CFAP54: variants seen among roughly 807,000 people sequenced by gnomAD.
CFAP54 encodes cilia and flagella associated protein 54.
In CFAP54, 290 loss-of-function variants were observed where a neutral mutation model predicts 370.4. The ratio of observed to expected loss-of-function variants is 0.78; its 90% CI spans 0.71 to 0.86. The LOEUF is 0.86. Ranked by LOEUF, CFAP54 falls within the 40% of genes least tolerant of loss-of-function variation. The pLI is 0.00. For synonymous variants in CFAP54, 1,206 were observed against 1,236.5 expected (o/e 0.98, Z 0.52); for missense variants, 3,399 against 3,528.7 (o/e 0.96, Z 0.93).
intron 36 of CFAP54, 40 bp downstream of exon 36, chr12:96,651,855 A>T (rs1173663865): frequency 7.7e-7 from 1 of 1,294,088 alleles, no homozygotes; most frequent in East Asian, 2.5e-5. Flanking sequence ...ATATTCAGTT[A>T]AAAATATCGT....
chr12:96,825,315 AAT>A (rs1565992509), intron 65 of CFAP54, among the ~76,000 whole-genome samples: 2 of 127,892 alleles, frequency 1.6e-5, no homozygotes, highest in East Asian at 4.5e-4. Context: ...TATATAATAT[AAT>A]ATATATTATA....
intron 39 of CFAP54, among the ~76,000 whole-genome samples, chr12:96,666,971 T>C (rs1957088187): frequency 6.6e-6 from 1 of 152,208 alleles, no homozygotes; most frequent in Admixed American, 6.5e-5. Context: ...GGTACAGGCA[T>C]TGGACAAATA....
rs1218186861 is a variant in CFAP54, at chr12:96,811,774, G to T, written c.8889G>T (p.Lys2963Asn). Reference protein sequence around the residue: ...LLYAYNLKPLKISDVRHSTYN... With the variant: ...LLYAYNLKPLNISDVRHSTYN... ...ATGCATATAATTTGAAGCCTCTGAA[G>T]ATTTCAGATGTTAGACATTCCACTT... is the stretch of plus-strand genomic sequence containing the variant. Residue 2963 changes from lysine to asparagine, a missense_variant, in exon 64 of 68, where the codon AAG becomes AAT. Lys to Asn is a moderately conservative substitution (Grantham distance 94, BLOSUM62 0). Around this residue, in one of 3 missense-constraint regions of CFAP54, gnomAD observed 2,796 missense variants for 2,869.7 expected, o/e 0.97. Coordinates refer to ENST00000524981, the MANE Select transcript of CFAP54 (RefSeq NM_001306084.2). 11 of 1,523,012 alleles carry T rather than the reference G, an allele frequency of 7.2e-6. No individual in the cohort carries two copies. Among genetic ancestry groups the T allele is most frequent in the Non-Finnish European group, 9.6e-6 (11 of 1,141,072 alleles). 94.3% of individuals were successfully genotyped at this position (1,523,012 alleles called of 1,614,324 possible).
chr12:96,579,351 T>C (rs1427034423), intron 20 of CFAP54, among the ~76,000 whole-genome samples: 1 of 152,214 alleles, frequency 6.6e-6, no homozygotes, highest in Non-Finnish European at 1.5e-5. Context: ...TCAGAAATTC[T>C]AATTCATTGA....
chr12:96,620,406 G>T (rs1956473550), intron 26 of CFAP54, among the ~76,000 whole-genome samples: 1 of 152,184 alleles, frequency 6.6e-6, no homozygotes, highest in Non-Finnish European at 1.5e-5. Flanking sequence ...TTATAAAGGG[G>T]AGTTCCCCTA....
chr12:96,515,190 G>A (rs1012223531), intron 5 of CFAP54, among the ~76,000 whole-genome samples: 1 of 151,938 alleles, frequency 6.6e-6, no homozygotes, highest in Non-Finnish European at 1.5e-5. Context: ...TGTATTTTTA[G>A]TAGAGATGGG....
chr12:96,501,870 C>G (rs1336262796), intron 2 of CFAP54, among the ~76,000 whole-genome samples: 1 of 152,120 alleles, frequency 6.6e-6, no homozygotes, highest in Non-Finnish European at 1.5e-5. Flanking sequence ...CATAAATGGA[C>G]CATGGGTCTT....
intron 17 of CFAP54, among the ~76,000 whole-genome samples, chr12:96,555,193 C>T (rs991305379): frequency 6.6e-6 from 1 of 151,916 alleles, no homozygotes; most frequent in Non-Finnish European, 1.5e-5. Flanking sequence ...GAGGTTGATA[C>T]ATTTTGTAAT....
intron 38 of CFAP54, among the ~76,000 whole-genome samples, chr12:96,660,035 C>T (rs1956974592): frequency 6.6e-6 from 1 of 152,190 alleles, no homozygotes; most frequent in Non-Finnish European, 1.5e-5. Flanking sequence ...GACTTATAAT[C>T]ATTATAAGGT....
chr12:96,697,645 G>A (rs2136573108), intron 45 of CFAP54, among the ~76,000 whole-genome samples: 1 of 152,166 alleles, frequency 6.6e-6, no homozygotes, highest in Middle Eastern at 3.4e-3. Context: ...AGAGTATGAT[G>A]GGTGGACATG....
chr12:96,764,795 A>G (rs1045026158), intron 59 of CFAP54, among the ~76,000 whole-genome samples: 6 of 152,190 alleles, frequency 3.9e-5, no homozygotes, highest in African/African-American at 1.4e-4. Flanking sequence ...ACATGTGTAC[A>G]TATTTGACAT....
chr12:96,521,516 G>GTT (rs2136369041), intron 6 of CFAP54, among the ~76,000 whole-genome samples: 1 of 89,222 alleles, frequency 1.1e-5, no homozygotes, highest in African/African-American at 4.5e-5. Context: ...GTGTGTGTGT[G>GTT]TGTGTGTGTG....
chr12:96,611,508 T>G (rs909234759), intron 26 of CFAP54, among the ~76,000 whole-genome samples: 2 of 152,166 alleles, frequency 1.3e-5, no homozygotes, highest in African/African-American at 2.4e-5. Flanking sequence ...ATGCAGCTCC[T>G]CACCAGCAGT....
chr12:96,649,984 G>A lies in CFAP54; in HGVS notation c.4784G>A (p.Gly1595Asp). The A allele has an allele frequency of 6.2e-7, 1 of 1,613,312 alleles. No individual in the cohort carries two copies. Among genetic ancestry groups the A allele is most frequent in the Non-Finnish European group, 8.5e-7 (1 of 1,179,434 alleles). Residue 1595 changes from glycine to aspartate, a missense_variant, in exon 35 of 68, where the codon GGT becomes GAT. Gly to Asp is a moderately conservative substitution (Grantham distance 94). Coordinates refer to ENST00000524981, the MANE Select transcript of CFAP54 (RefSeq NM_001306084.2). ...GTTTATGACTCAGACTCTCAATCAG[G>A]TTCTAGTGCTAAAGAAAAGGACCGA... ...QTVYDSDSQS[G>D]SSAKEKDRGA...
intron 63 of CFAP54, among the ~76,000 whole-genome samples, chr12:96,796,893 G>A (rs1468390175): frequency 2.0e-5 from 3 of 151,774 alleles, no homozygotes; most frequent in African/African-American, 7.3e-5. Context: ...TATTTTCCTA[G>A]CTGCTGACTT....
intron 39 of CFAP54, among the ~76,000 whole-genome samples, chr12:96,664,569 T>G (rs1448433289): frequency 6.6e-6 from 1 of 151,424 alleles, no homozygotes; most frequent in Admixed American, 6.6e-5. Flanking sequence ...TCTTTGCTAA[T>G]TGCTCTACAT....
intron 13 of CFAP54, among the ~76,000 whole-genome samples, chr12:96,539,683 T>A (rs938720219): frequency 4.6e-5 from 7 of 151,492 alleles, no homozygotes; most frequent in African/African-American, 1.5e-4. Context: ...TCAAAAAAAA[T>A]AAATAAAAAT....
At chr12:96,859,775 A>C (rs1959820091) in intron 66 of CFAP54, among the ~76,000 whole-genome samples, 1 of 152,184 alleles carries the variant, frequency 6.6e-6, no homozygotes, top group African/African-American at 2.4e-5. Flanking sequence ...GATTTGTCTT[A>C]CATATTGCTA....
intron 33 of CFAP54, among the ~76,000 whole-genome samples, chr12:96,647,660 T>G (rs1222193492): frequency 6.6e-6 from 1 of 151,886 alleles, no homozygotes; most frequent in Admixed American, 6.6e-5. Flanking sequence ...CAGAGAAATA[T>G]ATATTGATGT....
Sources: gnomAD v4.1 joint callset for allele counts (sites outside exome capture counted in the v4.1 genomes callset) on GRCh38, gnomAD v4.1.1 for gene constraint, gnomAD v4.1.1 regional missense constraint, MANE v1.5 for transcripts, NCBI Gene and HGNC (gene_info 2026-07-23, HGNC 2026-07-21) for gene names.